Variants in OTUD3 observed in about 807,000 individuals in gnomAD.
OTUD3 encodes the protein OTU deubiquitinase 3, also known as OTU domain-containing protein 3.
In OTUD3, 24 loss-of-function variants were observed where a neutral mutation model predicts 46.2. The ratio of observed to expected loss-of-function variants is 0.52; its 90% confidence interval spans 0.38 to 0.73. OTUD3 has a LOEUF of 0.73. Ranked by LOEUF, OTUD3 falls within the 30% of genes least tolerant of loss-of-function variation. The pLI is 0.00. For missense variants in OTUD3, 455 were observed against 523.3 expected (o/e 0.87, Z 1.27); for synonymous variants, 189 against 195.4 (o/e 0.97, Z 0.27).
At chr1:19,901,541 T>A (rs1485560566) in intron 4 of OTUD3, among the ~76,000 whole-genome samples, 2 of 152,306 alleles carry the variant, frequency 1.3e-5, no homozygotes, top group East Asian at 3.9e-4. Context: ...TAACATAAAA[T>A]TAATCATTTA....
chr1:19,907,549 C>T (rs754251563), intron 7 of OTUD3, 21 bp from the exon 8 acceptor site: 81 of 1,612,344 alleles, frequency 5.0e-5, no homozygotes, highest in Admixed American at 2.2e-4. Context: ...TCCTACTCAC[C>T]ACCATGGCCT....
chr1:19,887,959 T>C (rs1377701483), intron 1 of OTUD3, among the ~76,000 whole-genome samples: 1 of 152,240 alleles, frequency 6.6e-6, no homozygotes, highest in Non-Finnish European at 1.5e-5. Context: ...AGTAAATTAT[T>C]GCGCACTCAA....
chr1:19,904,991 A>C lies in OTUD3; in HGVS notation c.835+4A>C, dbSNP rs912339125. 4.5e-6 allele frequency: 6 copies of C among 1,348,156 alleles called. No individual in the cohort carries two copies. The African/African-American group carries it at 8.7e-5, about 20-fold the overall frequency. The allele number at this position is 1,348,156 out of a possible 1,614,324, so 83.5% of individuals were successfully genotyped here. Reference sequence around the variant, plus strand: ...ATGAACCAAGGGAAGAGAAATAGTAAGTCCATGACTAATATTTATAGATCT... The same window carrying C: ...ATGAACCAAGGGAAGAGAAATAGTACGTCCATGACTAATATTTATAGATCT... On this transcript the variant is annotated splice_donor_region_variant and intron_variant, in intron 6 of 7. Coordinates refer to ENST00000375120, the MANE Select transcript of OTUD3 (RefSeq NM_015207.2).
intron 4 of OTUD3, among the ~76,000 whole-genome samples, chr1:19,898,449 C>T (rs1230676765): frequency 6.6e-6 from 1 of 151,916 alleles, no homozygotes; most frequent in Non-Finnish European, 1.5e-5. Flanking sequence ...ACATCATTGG[C>T]CGGGCGTGGT....
chr1:19,890,326 G>A (rs1036738398), intron 1 of OTUD3, 59 bp from the exon 2 acceptor site: 34 of 1,530,056 alleles, frequency 2.2e-5, no homozygotes, highest in Non-Finnish European at 2.8e-5. Flanking sequence ...AAGCATCATT[G>A]TTTTAGACGA....
chr1:19,890,074 G>A (rs1405627247), intron 1 of OTUD3, among the ~76,000 whole-genome samples: 1 of 152,208 alleles, frequency 6.6e-6, no homozygotes, highest in Non-Finnish European at 1.5e-5. Flanking sequence ...TTGTAGTAAG[G>A]TGGTTAGTGT....
intron 2 of OTUD3, among the ~76,000 whole-genome samples, chr1:19,891,651 A>G (rs2045447948): frequency 6.6e-6 from 1 of 152,206 alleles, no homozygotes; most frequent in Non-Finnish European, 1.5e-5. Flanking sequence ...GTTTCTGCTT[A>G]GGGAATGGGT....
chr1:19,906,718 A>G (rs1557682431), intron 7 of OTUD3, 102 bp downstream of exon 7: 2 of 1,117,666 alleles, frequency 1.8e-6, no homozygotes, highest in Admixed American at 2.8e-5. Context: ...CTTCTGATTT[A>G]TAAAAGTAGT....
At position 19,897,648 on chromosome 1, in the gene OTUD3, C is replaced by G; in HGVS notation, c.592C>G (p.His198Asp). ...CAATGACAACTCAGAGGCACCTGCA[C>G]ATCTCCAGACGGATGTGAGTGAGGC... The part of the protein sequence containing the change: ...RINDNSEAPA[H>D]LQTDFQMLHQ... The change falls in exon 4 of 8, where the codon CAT (histidine) becomes GAT (aspartate). Residue 198 changes from histidine to aspartate, a missense_variant. Transcript: ENST00000375120. 1 of 1,613,468 alleles carries G rather than the reference C, an allele frequency of 6.2e-7. No homozygotes were observed. Among genetic ancestry groups the G allele is most frequent in the South Asian group, 1.1e-5 (1 of 91,016 alleles).
At chr1:19,900,664 C>T (rs2045574137) in intron 4 of OTUD3, among the ~76,000 whole-genome samples, 1 of 152,118 alleles carries the variant, frequency 6.6e-6, no homozygotes, top group Admixed American at 6.5e-5. Context: ...CACTTTCTTT[C>T]CATATACTAA....
At chr1:19,897,199 G>A (rs1438765386) in intron 3 of OTUD3, among the ~76,000 whole-genome samples, 2 of 152,244 alleles carry the variant, frequency 1.3e-5, no homozygotes, top group South Asian at 2.1e-4. Context: ...ATCTGCCCCT[G>A]GGCCTTCCCC....
chr1:19,906,343 G>T, intron 6 of OTUD3, 89 bp from the exon 7 acceptor site: 2 of 1,148,966 alleles, frequency 1.7e-6, no homozygotes, highest in South Asian at 2.0e-5. Context: ...CTGAAGTAGG[G>T]ACCCAGGTAA....
In OTUD3 at chr1:19,907,875, GAGTT is replaced by G. The variant is rs2045685355; in HGVS notation, c.*134_*137del. The G allele has an allele frequency of 1.2e-5, 9 of 750,980 alleles. No homozygotes were observed. In the East Asian group the frequency reaches 1.9e-4, roughly 16 times the overall value. 46.5% of individuals were successfully genotyped at this position (750,980 alleles called of 1,614,324 possible). On this transcript the variant is annotated 3_prime_UTR_variant, in exon 8 of 8. Coordinates refer to ENST00000375120, the MANE Select transcript of OTUD3 (RefSeq NM_015207.2). ...AAGCCCACACATGAGCTCACACACT[GAGTT>G]AGTTTCGTTCAAGCTGCCTCTTTTT...
intron 7 of OTUD3, among the ~76,000 whole-genome samples, 181 bp from the exon 8 acceptor site, chr1:19,907,389 A>T (rs2100326372): frequency 6.6e-6 from 1 of 152,356 alleles, no homozygotes; most frequent in African/African-American, 2.4e-5. Flanking sequence ...TCAGCAAGGA[A>T]ATATAAATTT....
At chr1:19,888,980 A>G (rs1357744209) in intron 1 of OTUD3, among the ~76,000 whole-genome samples, 1 of 152,270 alleles carries the variant, frequency 6.6e-6, no homozygotes, top group African/African-American at 2.4e-5. Flanking sequence ...ATTTTGGTAC[A>G]TTAAATGTAA....
At chr1:19,895,866 G>A (rs1368308809) in intron 3 of OTUD3, among the ~76,000 whole-genome samples, 4 of 152,102 alleles carry the variant, frequency 2.6e-5, no homozygotes, top group African/African-American at 9.7e-5. Flanking sequence ...CACCTTGAAG[G>A]GGAATACTCA....
At chr1:19,899,575 G>A (rs1161830692) in intron 4 of OTUD3, among the ~76,000 whole-genome samples, 2 of 152,220 alleles carry the variant, frequency 1.3e-5, no homozygotes, top group African/African-American at 4.8e-5. Flanking sequence ...GCAATGTGCA[G>A]TACCTTTTAT....
At position 19,907,784 on chromosome 1, in the gene OTUD3, A is replaced by G; in HGVS notation, c.*38A>G. The stretch of plus-strand genomic sequence containing the variant: ...TTGGGAGTTGTAAGAAGCGGCTGGA[A>G]AAGGATTGCTGTGTGCTAGACTTTC... On this transcript the variant is annotated 3_prime_UTR_variant, in exon 8 of 8. Coordinates refer to ENST00000375120, the MANE Select transcript of OTUD3 (RefSeq NM_015207.2). The G allele has an allele frequency of 6.2e-7, 1 of 1,602,228 alleles. No homozygotes were observed. The highest frequency in any genetic ancestry group is 8.5e-7 in the Non-Finnish European group (1 of 1,170,898).
chr1:19,910,302 G>C lies in OTUD3; in HGVS notation c.*2556G>C, dbSNP rs988874731. The C allele has an allele frequency of 1.2e-4, 18 of 152,372 alleles. 1 individual carries two copies. The highest frequency in any genetic ancestry group is 4.1e-4 in the African/African-American group (17 of 41,440). 9.4% of individuals were successfully genotyped at this position (152,372 alleles called of 1,614,324 possible). On this transcript the variant is annotated 3_prime_UTR_variant, in exon 8 of 8. Coordinates refer to ENST00000375120, the MANE Select transcript of OTUD3 (RefSeq NM_015207.2). ...CATGAGATTGTCTTGGTAGCTTGTA[G>C]TGTGGTCAGGAGAAAGGGGATGGAG...
Sources: gnomAD v4.1 joint callset for allele counts (sites outside exome capture counted in the v4.1 genomes callset) on GRCh38, gnomAD v4.1.1 for gene constraint, MANE v1.5 for transcripts, NCBI Gene and HGNC (gene_info 2026-07-23, HGNC 2026-07-21) for gene names.